CHAT: variants seen among roughly 807,000 people sequenced by gnomAD.
CHAT encodes choline O-acetyltransferase.
CHAT carries 61 observed loss-of-function variants against 76.9 expected under a neutral mutation model. The observed-to-expected ratio is 0.79, with a 90% CI of 0.65 to 0.98. The LOEUF (loss-of-function observed/expected upper bound fraction) is 0.98. CHAT is among the 50% of genes least tolerant of loss of function. The pLI is 0.00. For missense variants in CHAT, 946 were observed against 986.9 expected, an observed-to-expected ratio of 0.96 and a Z score of 0.56; for synonymous variants, 407 against 397.4, an observed-to-expected ratio of 1.02 and a Z score of -0.29.
chr10:49,653,343 T>G (rs955856916), intron 11 of CHAT, among the ~76,000 whole-genome samples: 3 of 152,132 alleles, frequency 2.0e-5, no homozygotes, highest in Non-Finnish European at 2.9e-5. Flanking sequence ...TTCCTGGAGA[T>G]GGGGCCAGCT....
chr10:49,634,023 A>G (rs79750954), intron 7 of CHAT, among the ~76,000 whole-genome samples: 2 of 152,146 alleles, frequency 1.3e-5, no homozygotes, highest in Non-Finnish European at 2.9e-5. Flanking sequence ...AACCAATTAC[A>G]CATTAGCACT....
Position 49,649,553 on chromosome 10 carries a change from G to A in CHAT, c.1428G>A (p.Glu476=). The A allele has an allele frequency of 6.2e-7, 1 of 1,613,882 alleles. No homozygotes were observed. The highest frequency in any genetic ancestry group is 8.5e-7 in the Non-Finnish European group (1 of 1,180,022). Residue 476 remains glutamate (E), a synonymous_variant, in exon 10 of 15, where the codon GAG becomes GAA. Transcript: ENST00000337653. ...TGATCCGAGCAGACTCCGTCAGCGAGCTCCCCGCCCCCCGGAGGCTGCGGT... is the reference window on the plus strand; with the variant it reads ...TGATCCGAGCAGACTCCGTCAGCGAACTCCCCGCCCCCCGGAGGCTGCGGT... ...RKLIRADSVS[E]LPAPRRLRWK...
chr10:49,624,967 G>C (rs933048121), intron 5 of CHAT, among the ~76,000 whole-genome samples: 3 of 151,976 alleles, frequency 2.0e-5, no homozygotes, highest in African/African-American at 7.3e-5. Flanking sequence ...TATATGGATG[G>C]ATGATGGATA....
At position 49,665,989 on chromosome 10, in the gene CHAT, T is replaced by G. The variant is rs1460296988; in HGVS notation, c.*943T>G. ...TTACTTTGGGTTTTTCCATTATCTG[T>G]TTTGTTTTAAGACAGAGATTTTTAA... On this transcript the variant is annotated 3_prime_UTR_variant, in exon 15 of 15. Coordinates refer to ENST00000337653, the MANE Select transcript of CHAT (RefSeq NM_020549.5). 2.6e-5 allele frequency among the ~76,000 whole-genome samples: 4 copies of G among 152,226 alleles called. No homozygotes were observed. Among genetic ancestry groups the G allele is most frequent in the African/African-American group, 9.6e-5 (4 of 41,460 alleles).
chr10:49,618,500 A>G (rs1204635589), intron 2 of CHAT, among the ~76,000 whole-genome samples: 2 of 152,192 alleles, frequency 1.3e-5, no homozygotes, highest in Non-Finnish European at 2.9e-5. Flanking sequence ...ACGAATGGAA[A>G]AGGGAGTGAA....
chr10:49,655,792 A>G (rs1840017196), intron 13 of CHAT, among the ~76,000 whole-genome samples: 1 of 152,164 alleles, frequency 6.6e-6, no homozygotes, highest in Non-Finnish European at 1.5e-5. Flanking sequence ...CTGGCAAGCG[A>G]TGGGGGTCAC....
chr10:49,649,660 T>C (rs1399125532), intron 10 of CHAT, 24 bp downstream of exon 10: 1 of 1,613,410 alleles, frequency 6.2e-7, no homozygotes, highest in African/African-American at 1.3e-5. Context: ...AAGTCTCCTT[T>C]GAGGGGTCCC....
intron 2 of CHAT, among the ~76,000 whole-genome samples, chr10:49,618,965 G>C (rs545114543): frequency 6.6e-6 from 1 of 152,106 alleles, no homozygotes; most frequent in African/African-American, 2.4e-5. Context: ...GGAGAGATTC[G>C]GAGAGGAAGG....
intron 4 of CHAT, among the ~76,000 whole-genome samples, chr10:49,621,500 G>A (rs918113535): frequency 6.6e-6 from 1 of 152,172 alleles, no homozygotes. Flanking sequence ...CCCGCTGCTC[G>A]TTTCTCCAGT....
intron 4 of CHAT, 122 bp from the exon 5 acceptor site, chr10:49,621,964 GAGGGAGGGAGA>G (rs1308332193): frequency 4.4e-6 from 1 of 226,288 alleles, no homozygotes; most frequent in Admixed American, 7.4e-5. Context: ...AGGGAGGGAG[GAGGGAGGGAGA>G]AGGGAGGGAA....
At chr10:49,627,901 A>G in intron 7 of CHAT, 116 bp downstream of exon 7, 2 of 1,238,526 alleles carry the variant, frequency 1.6e-6, no homozygotes, top group Non-Finnish European at 2.3e-6. Context: ...GTGGGAGCTC[A>G]GGGCCCACAG....
In CHAT at chr10:49,651,819, G is replaced by A. The variant is rs1273981584; in HGVS notation, c.1512-65G>A. ...ACAGACCAGGCTCTAGAAGCCCGGG[G>A]AAACCCCAGATGCATGCATACTGTT... On this transcript the variant is annotated intron_variant, in intron 10 of 14. Coordinates refer to ENST00000337653, the MANE Select transcript of CHAT (RefSeq NM_020549.5). 28 of 1,543,568 alleles carry A rather than the reference G, an allele frequency of 1.8e-5. No individual in the cohort carries two copies. In the South Asian group the frequency reaches 2.4e-4, roughly 13 times the overall value.
At chr10:49,658,018 T>C (rs147040276) in intron 13 of CHAT, among the ~76,000 whole-genome samples, 63 of 152,354 alleles carry the variant, frequency 4.1e-4, no homozygotes, top group Middle Eastern at 3.4e-3. Flanking sequence ...TCCTCCGACA[T>C]TGAGGAGACA....
intron 5 of CHAT, among the ~76,000 whole-genome samples, chr10:49,624,077 C>T (rs1393794483): frequency 6.6e-6 from 1 of 152,214 alleles, no homozygotes; most frequent in Non-Finnish European, 1.5e-5. Flanking sequence ...AGCTCCTCTC[C>T]ACTGCCACTG....
chr10:49,655,103 G>A lies in CHAT; in HGVS notation c.1643G>A (p.Arg548Gln), dbSNP rs141881680. 41 of 1,614,002 alleles carry A rather than the reference G, an allele frequency of 2.5e-5. No homozygotes were observed. The highest frequency in any genetic ancestry group is 2.8e-5 in the Non-Finnish European group (33 of 1,180,028). ...ALQLAFYRLHRRLVPTYESAS... is the reference protein window; with the variant it reads ...ALQLAFYRLHQRLVPTYESAS... ...TCCTTCATCCCACGCAGGCTCCATCGAAGACTGGTGCCCACCTACGAGAGC... is the reference window on the plus strand; with the variant it reads ...TCCTTCATCCCACGCAGGCTCCATCAAAGACTGGTGCCCACCTACGAGAGC... Residue 548 changes from arginine (R) to glutamine (Q), a missense_variant, in exon 12 of 15, where the codon CGA (arginine) becomes CAA (glutamine). Transcript: ENST00000337653.
intron 10 of CHAT, among the ~76,000 whole-genome samples, chr10:49,650,038 C>G (rs996959424): frequency 1.3e-5 from 2 of 152,106 alleles, no homozygotes; most frequent in African/African-American, 4.8e-5. Context: ...ACAAAGGGGC[C>G]TTTTTCCCCA....
In CHAT at chr10:49,651,842, GT is replaced by G. The variant is rs765888982; in HGVS notation, c.1512-38del. 4 of 1,589,548 alleles carry G rather than the reference GT, an allele frequency of 2.5e-6. No homozygotes were observed. In the African/African-American group the frequency reaches 4.0e-5, roughly 16 times the overall value. ...GGGAAACCCCAGATGCATGCATACTGTTTTGCATGCAATAAAAACATCTTTT... is the reference window on the plus strand; with the variant it reads ...GGGAAACCCCAGATGCATGCATACTGTTTGCATGCAATAAAAACATCTTTT... On this transcript the variant is annotated intron_variant, in intron 10 of 14. Transcript: ENST00000337653.
chr10:49,631,832 C>T (rs1174930411), intron 7 of CHAT, among the ~76,000 whole-genome samples: 1 of 151,970 alleles, frequency 6.6e-6, no homozygotes, highest in Non-Finnish European at 1.5e-5. Context: ...TGGGCGTCCA[C>T]ATGGATGCAC....
At chr10:49,646,460 C>G in intron 7 of CHAT, 45 bp from the exon 8 acceptor site, 1 of 1,611,096 alleles carries the variant, frequency 6.2e-7, no homozygotes, top group Non-Finnish European at 8.5e-7. Flanking sequence ...GGAAGACTGG[C>G]CTGGAGCGGG....
Sources: gnomAD v4.1 joint callset for allele counts (sites outside exome capture counted in the v4.1 genomes callset) on GRCh38, gnomAD v4.1.1 for gene constraint, MANE v1.5 for transcripts, NCBI Gene and HGNC (gene_info 2026-07-23, HGNC 2026-07-21) for gene names.